The following SYNE1 variants were observed in gnomAD, a reference collection of about 807,000 sequenced individuals.
SYNE1 encodes the protein nesprin-1.
A neutral mutation model predicts 1,111.0 loss-of-function variants in SYNE1; 616 were observed. The observed-to-expected ratio is 0.55, with a 90% confidence interval of 0.52 to 0.59. The LOEUF (loss-of-function observed/expected upper bound fraction) is 0.59, where lower values mean the gene tolerates loss of function less well. Among genes scored for constraint, SYNE1 ranks in the 20% least tolerant of loss-of-function variants. The probability of loss-of-function intolerance (pLI) is 0.00; values close to 1 mark genes in which losing one functional copy is unlikely to be tolerated. For synonymous variants in SYNE1, 3,855 were observed against 3,825.8 expected (o/e 1.01, Z -0.28); for missense variants, 10,006 against 10,417.0 (o/e 0.96, Z 1.72).
chr6:152,596,018 C>G (rs542129803), intron 3 of SYNE1, among the ~76,000 whole-genome samples: 1 of 140,886 alleles, frequency 7.1e-6, no homozygotes, highest in African/African-American at 2.6e-5. Flanking sequence ...GGGCTCGAAC[C>G]AAGGGGTTGA....
At chr6:152,460,947 G>A (rs1374905899) in intron 21 of SYNE1, among the ~76,000 whole-genome samples, 3 of 151,432 alleles carry the variant, frequency 2.0e-5, no homozygotes, top group African/African-American at 4.9e-5. Flanking sequence ...TGAGTAGCTG[G>A]GATTATAGGT....
rs1027583087 is a variant in SYNE1 at position 152,151,461 on chromosome 6, A to G, written c.24450+92T>C. The G allele has an allele frequency of 3.9e-5, 59 of 1,529,202 alleles. No individual in the cohort carries two copies. The East Asian group carries it at 1.0e-3, about 26-fold the overall frequency. The allele number at this position is 1,529,202 out of a possible 1,614,324, so 94.7% of individuals were successfully genotyped here. On this transcript the variant is annotated intron_variant, in intron 135 of 145. Transcript: ENST00000367255. ...AGTCCAGAACTAATTTTTCAAAAGA[A>G]AAGTTATTTGCTATGTTCTTCACAA... is the stretch of plus-strand genomic sequence containing the variant.
chr6:152,336,638 C>A (rs2096396387), intron 76 of SYNE1: 1 of 665,086 alleles, frequency 1.5e-6, no homozygotes, highest in South Asian at 1.7e-5. Flanking sequence ...GCTCGCCTCC[C>A]ACTGTGCGGC....
chr6:152,244,732 T>C, intron 105 of SYNE1, 76 bp from the exon 106 acceptor site: 2 of 1,578,768 alleles, frequency 1.3e-6, no homozygotes, highest in South Asian at 2.2e-5. Flanking sequence ...ATTGTATCTC[T>C]TTCTGTGTTC....
At chr6:152,520,390 G>T in intron 6 of SYNE1, 69 bp downstream of exon 6, 1 of 1,456,640 alleles carries the variant, frequency 6.9e-7, no homozygotes, top group Non-Finnish European at 9.6e-7. Context: ...ACAGATAGGA[G>T]CCAATACTGA....
intron 3 of SYNE1, among the ~76,000 whole-genome samples, chr6:152,549,294 T>C (rs771067731): frequency 1.2e-4 from 19 of 152,238 alleles, no homozygotes; most frequent in Admixed American, 2.6e-4. Flanking sequence ...GTCTTATATA[T>C]GTGTCCTTAT....
In SYNE1 at chr6:152,488,389, A is replaced by G. The variant is rs570478444; in HGVS notation, c.1047+7T>C. The G allele has an allele frequency of 6.0e-6, 9 of 1,511,030 alleles. No homozygotes were observed. The South Asian group carries it at 9.0e-5, about 15-fold the overall frequency. 93.6% of individuals were successfully genotyped at this position (1,511,030 alleles called of 1,614,324 possible). A position where few individuals can be genotyped will look rare whatever the true frequency, so the allele number is the denominator to read the frequency against. Reference sequence around the variant, plus strand: ...TGAAAAATTCAAAAATCTTCTCCATACAATACCTGATATTTATCCTGTAAA... The same window carrying G: ...TGAAAAATTCAAAAATCTTCTCCATGCAATACCTGATATTTATCCTGTAAA... On this transcript the variant is annotated splice_region_variant and intron_variant, in intron 12 of 145. Transcript: ENST00000367255.
intron 110 of SYNE1, 68 bp downstream of exon 110, chr6:152,236,039 A>G (rs1588427137): frequency 3.9e-6 from 6 of 1,536,064 alleles, no homozygotes; most frequent in Admixed American, 3.3e-5. Flanking sequence ...ATCATCCCCC[A>G]CCCGCACTAG....
At chr6:152,557,789 C>G (rs536975893) in intron 3 of SYNE1, among the ~76,000 whole-genome samples, 96 of 152,202 alleles carry the variant, frequency 6.3e-4, no homozygotes, top group African/African-American at 2.2e-3. Flanking sequence ...TTAGTCCCTA[C>G]TAGAACTACC....
intron 104 of SYNE1, 106 bp downstream of exon 104, chr6:152,254,774 T>C (rs532857260): frequency 9.1e-6 from 9 of 984,378 alleles, no homozygotes; most frequent in East Asian, 5.2e-5. Context: ...TGTTCTTCAT[T>C]ACGCATTTAG....
At chr6:152,430,381 A>T in intron 35 of SYNE1, 101 bp downstream of exon 35, 1 of 1,212,138 alleles carries the variant, frequency 8.2e-7, no homozygotes, top group Non-Finnish European at 1.2e-6. Flanking sequence ...TTCACAAATT[A>T]TGTCTTTCTC....
At chr6:152,352,457 C>T in intron 69 of SYNE1, 104 bp from the exon 70 acceptor site, 4 of 1,231,226 alleles carry the variant, frequency 3.2e-6, no homozygotes, top group Non-Finnish European at 4.5e-6. Flanking sequence ...GGCTAGAGTG[C>T]AGTGGCACAA....
At position 152,484,881 on chromosome 6, in the gene SYNE1, A is replaced by T. The variant is rs1318037092; in HGVS notation, c.1139T>A (p.Leu380His). The change falls in exon 13 of 146, where the codon CTT becomes CAT. Residue 380 changes from leucine to histidine, a missense_variant. Leu to His is a moderately conservative substitution (Grantham distance 99). Coordinates refer to ENST00000367255, the MANE Select transcript of SYNE1 (RefSeq NM_182961.4). Reference sequence around the variant, plus strand: ...AGATTGTTTTACCAATGCTTGGTCAAGTGACAATTTACCGTCTCTGTGTAA... The same window carrying T: ...AGATTGTTTTACCAATGCTTGGTCATGTGACAATTTACCGTCTCTGTGTAA... ...QPLHRDGKLS[L>H]DQALVKQSWD... The T allele has an allele frequency of 1.2e-6, 2 of 1,613,976 alleles. No individual in the cohort carries two copies. The highest frequency in any genetic ancestry group is 2.2e-5 in the South Asian group (2 of 91,072).
chr6:152,627,536 T>C (rs1222641287), intron 3 of SYNE1, among the ~76,000 whole-genome samples: 1 of 150,366 alleles, frequency 6.7e-6, no homozygotes, highest in Non-Finnish European at 1.5e-5. Flanking sequence ...CACATGCCTG[T>C]AATCCCAGCT....
intron 11 of SYNE1, among the ~76,000 whole-genome samples, chr6:152,497,999 G>C (rs1213740904): frequency 2.0e-5 from 3 of 151,846 alleles, no homozygotes; most frequent in African/African-American, 7.3e-5. Flanking sequence ...ATTTACATTT[G>C]TGTACCATGT....
At chr6:152,399,127 A>G (rs1036747175) in intron 48 of SYNE1, among the ~76,000 whole-genome samples, 1 of 152,164 alleles carries the variant, frequency 6.6e-6, no homozygotes, top group East Asian at 1.9e-4. Context: ...TCTTTTGGGG[A>G]GTCATGGTGG....
In SYNE1 at chr6:152,316,838, C is replaced by T; in HGVS notation, c.16710+11G>A. 1 of 1,613,958 alleles carries T rather than the reference C, an allele frequency of 6.2e-7. No homozygotes were observed. Among genetic ancestry groups the T allele is most frequent in the South Asian group, 1.1e-5 (1 of 91,066 alleles). On this transcript the variant is annotated intron_variant, in intron 87 of 145. Coordinates refer to ENST00000367255, the MANE Select transcript of SYNE1 (RefSeq NM_182961.4). Reference sequence around the variant, plus strand: ...TGGTTACTTTTTAAAGATTATTTTTCCTAAGGTTACCTGATGCAAAATATA... The same window carrying T: ...TGGTTACTTTTTAAAGATTATTTTTTCTAAGGTTACCTGATGCAAAATATA...
At chr6:152,584,184 T>G (rs74433637) in intron 3 of SYNE1, among the ~76,000 whole-genome samples, 3,249 of 152,118 alleles carry the variant, frequency 0.021, 124 homozygotes, top group African/African-American at 0.074. Flanking sequence ...TCTGGTGAGA[T>G]TTAAATAAGA....
rs536909470 is a variant in SYNE1 at position 152,505,325 on chromosome 6, A to C, written c.654T>G (p.His218Gln). Residue 218 changes from histidine (H) to glutamine (Q), a missense_variant, in exon 9 of 146, where the codon CAT becomes CAG. Physicochemically the swap from His to Gln is conservative, Grantham distance 24. Transcript: ENST00000367255. ...RSGVAFHSVI[H>Q]AIRPELVDLE... ...AGTCCACCAATTCCGGTCGAATGGC[A>C]TGAATAACTGAATGAAAGGCAACCC... The C allele has an allele frequency of 6.2e-7, 1 of 1,614,150 alleles. No individual in the cohort carries two copies. The highest frequency in any genetic ancestry group is 8.5e-7 in the Non-Finnish European group (1 of 1,180,022).
Sources: gnomAD v4.1 joint callset for allele counts (sites outside exome capture counted in the v4.1 genomes callset) on GRCh38, gnomAD v4.1.1 for gene constraint, MANE v1.5 for transcripts, NCBI Gene and HGNC (gene_info 2026-07-23, HGNC 2026-07-21) for gene names.